Variants in FBXO17 observed in about 807,000 individuals in gnomAD.
FBXO17 encodes the protein F-box only protein 17.
In FBXO17, 43 loss-of-function variants were observed where a neutral mutation model predicts 34.1. The ratio of observed to expected loss-of-function variants is 1.26; its 90% confidence interval spans 0.99 to 1.62. The LOEUF is 1.62. Among genes scored for constraint, FBXO17 ranks in the 40% most tolerant of loss-of-function variants. The probability of loss-of-function intolerance (pLI) is 0.00; values close to 1 mark genes in which losing one functional copy is unlikely to be tolerated. For missense variants in FBXO17, 424 were observed against 386.7 expected (o/e 1.10, Z -0.81); for synonymous variants, 169 against 166.0 (o/e 1.02, Z -0.14).
intron 2 of FBXO17, among the ~76,000 whole-genome samples, chr19:38,949,265 C>A (rs1395249308): frequency 6.6e-6 from 1 of 152,046 alleles, no homozygotes; most frequent in East Asian, 1.9e-4. Context: ...CCACACCTGG[C>A]TAATTTTGTA....
chr19:38,953,553 C>T (rs941928193), intron 1 of FBXO17, among the ~76,000 whole-genome samples: 2 of 151,868 alleles, frequency 1.3e-5, no homozygotes, highest in Non-Finnish European at 2.9e-5. Context: ...CCCAGCTACT[C>T]GGGAGGCCAA....
chr19:38,949,713 C>G (rs1975042582), intron 2 of FBXO17: 2 of 576,994 alleles, frequency 3.5e-6, no homozygotes, highest in East Asian at 3.1e-5. Flanking sequence ...CCTCTGCATA[C>G]CAAACTACTT....
chr19:38,946,685 T>G, intron 3 of FBXO17, 118 bp from the exon 4 acceptor site: 1 of 1,448,530 alleles, frequency 6.9e-7, no homozygotes, highest in Non-Finnish European at 9.3e-7. Flanking sequence ...GCCCTCAGGG[T>G]TTGCTCTAGC....
At chr19:38,957,173 A>G (rs1030212223) in intron 1 of FBXO17, among the ~76,000 whole-genome samples, 5 of 152,138 alleles carry the variant, frequency 3.3e-5, no homozygotes, top group Middle Eastern at 3.4e-3. Context: ...AGCAGAGATC[A>G]CATCACTCAC....
chr19:38,944,380 C>T (rs1168930385), intron 5 of FBXO17, among the ~76,000 whole-genome samples: 3 of 152,068 alleles, frequency 2.0e-5, no homozygotes, highest in Non-Finnish European at 4.4e-5. Flanking sequence ...GTAGCTGAGA[C>T]TGCAGGTGCA....
At chr19:38,954,953 C>T (rs1349519890) in intron 1 of FBXO17, among the ~76,000 whole-genome samples, 1 of 143,022 alleles carries the variant, frequency 7.0e-6, no homozygotes, top group Non-Finnish European at 1.5e-5. Context: ...ATTTTTGAGA[C>T]GGAGTCTTGC....
intron 2 of FBXO17, 182 bp downstream of exon 2, chr19:38,949,789 T>G: frequency 1.3e-6 from 1 of 749,758 alleles, no homozygotes; most frequent in African/African-American, 1.9e-5. Context: ...GATTCCCGGC[T>G]TCACCTTCTC....
chr19:38,945,776 G>A (rs1282038865), intron 4 of FBXO17: 6 of 168,376 alleles, frequency 3.6e-5, no homozygotes, highest in Non-Finnish European at 7.5e-5. Context: ...AGAGCCTGGG[G>A]GAGGAGTCTG....
At chr19:38,968,116 C>T (rs1304097549) in intron 1 of FBXO17, among the ~76,000 whole-genome samples, 6 of 152,034 alleles carry the variant, frequency 3.9e-5, no homozygotes, top group East Asian at 3.9e-4. Context: ...GTCAAGAGTT[C>T]GAGACCAGCC....
Position 38,950,047 on chromosome 19 carries a change from G to T in FBXO17, c.273C>A (p.Phe91Leu). The change falls in exon 2 of 6, where the codon TTC becomes TTA. Residue 91 changes from phenylalanine to leucine, a missense_variant. Coordinates refer to ENST00000292852, the MANE Select transcript of FBXO17 (RefSeq NM_024907.7). ...AGTAGCGCGCCAGGGCGCACAGCGG[G>T]AACTCCTCCTTGTCTTCGTTGCTGG... The part of the protein sequence containing the change: ...CLPSNEDKEE[F>L]PLCALARYCL... 6.4e-7 allele frequency: 1 copy of T among 1,568,128 alleles called. No individual in the cohort carries two copies. The highest frequency in any genetic ancestry group is 1.2e-5 in the South Asian group (1 of 85,460).
At chr19:38,951,270 A>G (rs1407450730) in intron 1 of FBXO17, among the ~76,000 whole-genome samples, 5 of 151,918 alleles carry the variant, frequency 3.3e-5, no homozygotes, top group African/African-American at 1.2e-4. Context: ...GGCTCGAGTG[A>G]TCCTCCTGCC....
chr19:38,963,040 T>G (rs969216414), intron 1 of FBXO17, among the ~76,000 whole-genome samples: 18 of 152,094 alleles, frequency 1.2e-4, no homozygotes, highest in African/African-American at 4.3e-4. Flanking sequence ...TCTCTTTATT[T>G]CTTAGTAACC....
chr19:38,962,133 C>T (rs1975259807), intron 1 of FBXO17, among the ~76,000 whole-genome samples: 3 of 144,096 alleles, frequency 2.1e-5, no homozygotes, highest in Non-Finnish European at 3.0e-5. Context: ...AAAAAAGCTC[C>T]GGGAACGGTG....
At chr19:38,958,678 T>C (rs529610906) in intron 1 of FBXO17, among the ~76,000 whole-genome samples, 1 of 152,266 alleles carries the variant, frequency 6.6e-6, no homozygotes, top group Non-Finnish European at 1.5e-5. Context: ...GGGAATGCTA[T>C]TGGTACTCAG....
intron 1 of FBXO17, among the ~76,000 whole-genome samples, chr19:38,972,129 A>G (rs913618487): frequency 2.6e-5 from 4 of 152,184 alleles, no homozygotes; most frequent in Non-Finnish European, 5.9e-5. Context: ...TTTATTCAAG[A>G]TTCTTGAATG....
chr19:38,969,797 C>T (rs1006932596), intron 1 of FBXO17, among the ~76,000 whole-genome samples: 11 of 151,988 alleles, frequency 7.2e-5, no homozygotes, highest in Non-Finnish European at 1.6e-4. Context: ...AGGGTTTCAC[C>T]ACGTTGGCCA....
chr19:38,950,061 C>G lies in FBXO17; in HGVS notation c.259G>C (p.Asp87His). 1.9e-6 allele frequency: 3 copies of G among 1,569,234 alleles called. No individual in the cohort carries two copies. In the South Asian group the frequency reaches 3.5e-5, roughly 18 times the overall value. ...GCGCACAGCGGGAACTCCTCCTTGT[C>G]TTCGTTGCTGGGCAGGCAGCGTTGA... is the stretch of plus-strand genomic sequence containing the variant. ...VAQRCLPSNE[D>H]KEEFPLCALA... The change falls in exon 2 of 6, where the codon GAC (aspartate) becomes CAC (histidine). Residue 87 changes from aspartate to histidine, a missense_variant. By Grantham distance (81) the Asp-to-His change is moderately conservative. Coordinates refer to ENST00000292852, the MANE Select transcript of FBXO17 (RefSeq NM_024907.7).
At chr19:38,963,469 A>T (rs1051008234) in intron 1 of FBXO17, among the ~76,000 whole-genome samples, 8 of 150,736 alleles carry the variant, frequency 5.3e-5, no homozygotes, top group Non-Finnish European at 8.9e-5. Context: ...TAATTTTTAA[A>T]TTTTTTTTGA....
chr19:38,949,109 A>AT (rs1040849443), intron 2 of FBXO17, among the ~76,000 whole-genome samples: 4 of 150,248 alleles, frequency 2.7e-5, no homozygotes, highest in South Asian at 2.1e-4. Flanking sequence ...TAATTTTTTA[A>AT]TTTTTTTTTG....
Sources: gnomAD v4.1 joint callset for allele counts (sites outside exome capture counted in the v4.1 genomes callset) on GRCh38, gnomAD v4.1.1 for gene constraint, MANE v1.5 for transcripts, NCBI Gene and HGNC (gene_info 2026-07-23, HGNC 2026-07-21) for gene names.